CDH13: variants seen among roughly 807,000 people sequenced by gnomAD.
The protein encoded by CDH13 is cadherin-13.
CDH13 carries 24 observed loss-of-function variants against 63.8 expected under a neutral mutation model. That is an observed-to-expected ratio of 0.38 (90% CI 0.27 to 0.53). The LOEUF is 0.53. Among genes scored for constraint, CDH13 ranks in the 20% least tolerant of loss-of-function variants. The pLI is 0.85. For missense variants in CDH13, 1,049 were observed against 903.1 expected (o/e 1.16, Z -2.07); for synonymous variants, 503 against 355.3 (o/e 1.42, Z -4.67).
intron 1 of CDH13, among the ~76,000 whole-genome samples, chr16:82,808,014 T>A (rs72805979): frequency 0.15 from 22,840 of 152,108 alleles, 2,462 homozygotes; most frequent in East Asian, 0.62. Context: ...TCCAGCGCAG[T>A]TCTTACTGAG....
chr16:82,697,732 C>T (rs913646933), intron 1 of CDH13, among the ~76,000 whole-genome samples: 11 of 147,896 alleles, frequency 7.4e-5, no homozygotes, highest in East Asian at 5.9e-4. Context: ...CTGGCTGGGC[C>T]GAGGCATTGT....
At chr16:83,383,017 C>G (rs191216059) in intron 6 of CDH13, 1 of 152,172 alleles carries the variant, frequency 6.6e-6, no homozygotes, top group African/African-American at 2.4e-5. Flanking sequence ...GCAGAAACCC[C>G]GAGTTACACA....
intron 5 of CDH13, among the ~76,000 whole-genome samples, chr16:83,344,656 G>T (rs566915030): frequency 1.3e-5 from 2 of 152,270 alleles, no homozygotes; most frequent in South Asian, 2.1e-4. Flanking sequence ...TCCCAAGGGG[G>T]ATCTAAAGTG....
At chr16:83,698,042 T>G (rs1455249823) in intron 10 of CDH13, among the ~76,000 whole-genome samples, 1 of 152,220 alleles carries the variant, frequency 6.6e-6, no homozygotes, top group Non-Finnish European at 1.5e-5. Flanking sequence ...CACACTAAAC[T>G]GTAAACCCCT....
chr16:83,380,793 T>C (rs12922599), intron 6 of CDH13, among the ~76,000 whole-genome samples: 122,345 of 151,544 alleles, frequency 0.81, 50,279 homozygotes, highest in South Asian at 0.92. Context: ...GCAAGGGGGA[T>C]AGAGAATATC....
chr16:83,130,842 TA>T (rs1164132774), intron 4 of CDH13, among the ~76,000 whole-genome samples: 1 of 152,132 alleles, frequency 6.6e-6, no homozygotes, highest in Non-Finnish European at 1.5e-5. Context: ...TGAATTCCTG[TA>T]AAGAAAGGAG....
chr16:83,765,431 A>G (rs1914304083), intron 11 of CDH13, among the ~76,000 whole-genome samples: 2 of 152,188 alleles, frequency 1.3e-5, no homozygotes, highest in African/African-American at 4.8e-5. Flanking sequence ...TTATGTGGAT[A>G]ATTGCTTCAG....
At chr16:83,298,583 A>T (rs985635337) in intron 5 of CDH13, among the ~76,000 whole-genome samples, 1 of 152,216 alleles carries the variant, frequency 6.6e-6, no homozygotes, top group African/African-American at 2.4e-5. Flanking sequence ...CTAAGCACTT[A>T]AAAACTCCAA....
At chr16:83,477,812 T>G (rs2073645423) in intron 6 of CDH13, among the ~76,000 whole-genome samples, 1 of 152,168 alleles carries the variant, frequency 6.6e-6, no homozygotes, top group Admixed American at 6.5e-5. Flanking sequence ...TTTGGCCTTC[T>G]AGTCCCACTG....
intron 1 of CDH13, among the ~76,000 whole-genome samples, chr16:82,761,017 C>CTTTTTTTTTTTTTTTTTTTTT (rs35038319): frequency 0.01 from 420 of 40,484 alleles, 116 homozygotes; most frequent in Non-Finnish European, 0.016. Context: ...TTCTTTCTTT[C>CTTTTTTTTTTTTTTTTTTTTT]TTTTTTTTTT....
intron 7 of CDH13, among the ~76,000 whole-genome samples, chr16:83,535,919 G>C (rs1414473700): frequency 1.4e-5 from 2 of 142,000 alleles, no homozygotes; most frequent in East Asian, 4.2e-4. Context: ...AAAAAGGAAA[G>C]AAGGAAAGAA....
intron 2 of CDH13, among the ~76,000 whole-genome samples, chr16:82,872,998 G>A (rs1296419506): frequency 1.3e-5 from 2 of 152,196 alleles, no homozygotes; most frequent in Non-Finnish European, 2.9e-5. Flanking sequence ...AACGGCACAT[G>A]ACAAGACGAT....
At chr16:83,034,903 A>G (rs1224615817) in intron 3 of CDH13, among the ~76,000 whole-genome samples, 4 of 152,048 alleles carry the variant, frequency 2.6e-5, no homozygotes, top group Non-Finnish European at 5.9e-5. Context: ...GTCTGTACGC[A>G]TTTTCGACAA....
intron 3 of CDH13, among the ~76,000 whole-genome samples, chr16:83,060,632 A>G (rs1353614664): frequency 1.3e-5 from 2 of 152,228 alleles, no homozygotes; most frequent in Admixed American, 6.5e-5. Flanking sequence ...GGAAAAGTTG[A>G]GCTCAGATCT....
chr16:83,260,958 G>T (rs1051015781), intron 5 of CDH13, among the ~76,000 whole-genome samples: 1 of 152,138 alleles, frequency 6.6e-6, no homozygotes, highest in Non-Finnish European at 1.5e-5. Context: ...TCTGGGCTTT[G>T]GTAGCAGGAA....
intron 5 of CDH13, among the ~76,000 whole-genome samples, chr16:83,325,672 C>G (rs749698698): frequency 3.3e-5 from 5 of 152,162 alleles, no homozygotes; most frequent in African/African-American, 1.2e-4. Flanking sequence ...TATTTTGATA[C>G]TTGATACCTT....
At chr16:83,005,056 C>T (rs553950391) in intron 2 of CDH13, among the ~76,000 whole-genome samples, 2 of 152,264 alleles carry the variant, frequency 1.3e-5, no homozygotes, top group South Asian at 4.1e-4. Context: ...TTGAGCAGAG[C>T]TGAGTCACAT....
chr16:83,561,314 C>G (rs982125658), intron 7 of CDH13, among the ~76,000 whole-genome samples: 1 of 150,526 alleles, frequency 6.6e-6, no homozygotes, highest in Non-Finnish European at 1.5e-5. Flanking sequence ...GGTGTGGTGA[C>G]GCATGGGAGG....
chr16:83,075,952 G>T (rs902166529), intron 3 of CDH13, among the ~76,000 whole-genome samples: 1 of 152,184 alleles, frequency 6.6e-6, no homozygotes, highest in African/African-American at 2.4e-5. Context: ...GGCAGGATCA[G>T]CTTCGTGACA....
Sources: allele counts gnomAD v4.1 joint callset (sites outside exome capture counted in the v4.1 genomes callset), GRCh38; gene constraint gnomAD v4.1.1; transcripts MANE v1.5; gene names NCBI Gene and HGNC (gene_info 2026-07-23, HGNC 2026-07-21).